Variants in CACNA1D observed in about 807,000 individuals in gnomAD.
CACNA1D encodes the protein calcium voltage-gated channel subunit alpha1 D.
A neutral mutation model predicts 257.1 loss-of-function variants in CACNA1D; 55 were observed. That is an observed-to-expected ratio of 0.21 (90% CI 0.17 to 0.27). The LOEUF (loss-of-function observed/expected upper bound fraction) is 0.27, where lower values mean the gene tolerates loss of function less well. Among genes scored for constraint, CACNA1D ranks in the 10% least tolerant of loss-of-function variants. CACNA1D has a pLI of 1.00. For synonymous variants in CACNA1D, 980 were observed against 1,014.9 expected (o/e 0.97, Z 0.65); for missense variants, 1,876 against 2,784.0 (o/e 0.67, Z 7.34).
chr3:53,586,544 G>A (rs2093220897), intron 3 of CACNA1D, among the ~76,000 whole-genome samples: 1 of 151,946 alleles, frequency 6.6e-6, no homozygotes, highest in South Asian at 2.1e-4. Flanking sequence ...AGTCCCCATG[G>A]TCCACAAAAA....
At chr3:53,651,079 C>A in intron 4 of CACNA1D, 161 bp downstream of exon 4, 1 of 659,112 alleles carries the variant, frequency 1.5e-6, no homozygotes. Flanking sequence ...GCTGGTGATG[C>A]TGCTGTCAGT....
At chr3:53,688,217 G>A (rs370030017) in intron 8 of CACNA1D, among the ~76,000 whole-genome samples, 3 of 152,200 alleles carry the variant, frequency 2.0e-5, no homozygotes, top group East Asian at 3.9e-4. Flanking sequence ...GTGGAGGTCC[G>A]CCCAGCTGGG....
intron 39 of CACNA1D, chr3:53,786,489 T>C (rs954072973): frequency 6.4e-6 from 2 of 312,324 alleles, no homozygotes; most frequent in Non-Finnish European, 1.2e-5. Flanking sequence ...CTTTTTGTTT[T>C]GTAATTTTTA....
intron 30 of CACNA1D, chr3:53,762,720 C>T (rs763773027): frequency 1.1e-4 from 45 of 415,000 alleles, no homozygotes; most frequent in Non-Finnish European, 1.7e-4. Context: ...CCTTAAATCT[C>T]CACACACTTT....
rs374064318 is a variant in CACNA1D, at chr3:53,775,421, A to G, written c.4203-465A>G. 3.0e-4 allele frequency among the ~76,000 whole-genome samples: 45 copies of G among 152,270 alleles called. No individual in the cohort carries two copies. The East Asian group carries it at 4.4e-3, about 15-fold the overall frequency. ...GCAAAACCTTGACTCTACTAAAAAT[A>G]CAAAAATTAGCCAGGTGTGGTGGCA... On this transcript the variant is annotated intron_variant, in intron 34 of 47. Coordinates refer to ENST00000350061, the MANE Select transcript of CACNA1D (RefSeq NM_001128840.3).
intron 8 of CACNA1D, among the ~76,000 whole-genome samples, chr3:53,682,011 C>T (rs141690378): frequency 5.3e-5 from 8 of 152,118 alleles, no homozygotes; most frequent in East Asian, 1.9e-4. Context: ...AGAGACTGGC[C>T]GGCAGAATCC....
chr3:53,740,363 A>G (rs1165605055), intron 21 of CACNA1D, 24 bp downstream of exon 21: 1 of 1,484,574 alleles, frequency 6.7e-7, no homozygotes, highest in Admixed American at 1.7e-5. Context: ...CTTGATCTTC[A>G]CATACTCCAC....
At chr3:53,732,764 C>T (rs2108771330) in intron 18 of CACNA1D, 51 bp from the exon 19 acceptor site, 1 of 1,518,396 alleles carries the variant, frequency 6.6e-7, no homozygotes, top group East Asian at 2.2e-5. Context: ...ATAATTCAAA[C>T]CCATATGTAG....
At position 53,751,455 on chromosome 3, in the gene CACNA1D, C is replaced by G. The variant is rs935387296; in HGVS notation, c.3517-294C>G. On this transcript the variant is annotated intron_variant, in intron 27 of 47. Coordinates refer to ENST00000350061, the MANE Select transcript of CACNA1D (RefSeq NM_001128840.3). This position sits in a 1 kb window ranked among gnomAD's most constrained non-coding sequence, Gnocchi z 4.3. ...ATACACTGCAGGGCCTCAGGAAAGACAGCTAAAAGCTCTGAGCCTCAGTTT... is the reference window on the plus strand; with the variant it reads ...ATACACTGCAGGGCCTCAGGAAAGAGAGCTAAAAGCTCTGAGCCTCAGTTT... Among the ~76,000 whole-genome samples the G allele has an allele frequency of 6.6e-6, 1 of 152,248 alleles. No individual in the cohort carries two copies. The highest frequency in any genetic ancestry group is 2.4e-5 in the African/African-American group (1 of 41,468).
intron 9 of CACNA1D, among the ~76,000 whole-genome samples, chr3:53,709,345 C>A (rs1349093226): frequency 6.6e-6 from 1 of 152,182 alleles, no homozygotes; most frequent in Non-Finnish European, 1.5e-5. Flanking sequence ...TTCCCAAGGC[C>A]ATGTGACTTA....
chr3:53,788,825 A>G (rs2095469606), intron 40 of CACNA1D, among the ~76,000 whole-genome samples: 3 of 152,210 alleles, frequency 2.0e-5, no homozygotes, highest in Non-Finnish European at 4.4e-5. Context: ...CAGGTTAGCT[A>G]GGTACCATGA....
rs991776702 is a variant in CACNA1D at position 53,772,977 on chromosome 3, G to A, written c.4110+79G>A. On this transcript the variant is annotated intron_variant, in intron 33 of 47. Coordinates refer to ENST00000350061, the MANE Select transcript of CACNA1D (RefSeq NM_001128840.3). ...CTGTGGCAAGATGTACCCTGACCAAGTGAAGTAGAAGCATTGTGATTTTTC... is the reference window on the plus strand; with the variant it reads ...CTGTGGCAAGATGTACCCTGACCAAATGAAGTAGAAGCATTGTGATTTTTC... 3.4e-6 allele frequency: 4 copies of A among 1,173,470 alleles called. No homozygotes were observed. In the African/African-American group the frequency reaches 4.5e-5, roughly 13 times the overall value. The allele number at this position is 1,173,470 out of a possible 1,614,324, so 72.7% of individuals were successfully genotyped here.
chr3:53,663,190 C>T (rs2094222581), intron 5 of CACNA1D, among the ~76,000 whole-genome samples: 1 of 152,176 alleles, frequency 6.6e-6, no homozygotes, highest in Admixed American at 6.5e-5. Context: ...TGCTGCTTAT[C>T]ACGGTAAAGA....
At chr3:53,747,195 T>G in intron 25 of CACNA1D, 107 bp from the exon 26 acceptor site, 2 of 842,506 alleles carry the variant, frequency 2.4e-6, no homozygotes, top group Non-Finnish European at 1.9e-6. Flanking sequence ...GCGGGCGGAC[T>G]GAGTGTGACC....
At chr3:53,586,812 A>G (rs918415597) in intron 3 of CACNA1D, among the ~76,000 whole-genome samples, 2 of 152,180 alleles carry the variant, frequency 1.3e-5, no homozygotes, top group South Asian at 4.1e-4. Context: ...TTATTTCTGA[A>G]CAAGACAGGC....
intron 8 of CACNA1D, among the ~76,000 whole-genome samples, chr3:53,677,206 C>T (rs1395316448): frequency 6.6e-6 from 1 of 152,164 alleles, no homozygotes; most frequent in Non-Finnish European, 1.5e-5. Context: ...CACCAGCCAT[C>T]CCTATGGTGG....
chr3:53,657,851 A>T (rs1174327576), intron 4 of CACNA1D, among the ~76,000 whole-genome samples: 1 of 152,226 alleles, frequency 6.6e-6, no homozygotes, highest in Non-Finnish European at 1.5e-5. Context: ...AAAGTAATTG[A>T]TATTTCTAAA....
chr3:53,554,202 A>C (rs2092596209), intron 3 of CACNA1D, among the ~76,000 whole-genome samples: 1 of 152,096 alleles, frequency 6.6e-6, no homozygotes, highest in Admixed American at 6.5e-5. Flanking sequence ...TCTCAAAAAA[A>C]AAAAAAAGGT....
rs1230193947 is a variant in CACNA1D at position 53,626,219 on chromosome 3, A to T, written c.484-24560A>T. Among the ~76,000 whole-genome samples the T allele has an allele frequency of 2.0e-5, 3 of 152,252 alleles. No individual in the cohort carries two copies. The East Asian group carries it at 5.8e-4, about 29-fold the overall frequency. ...TTTGCCGCCCCGGGCACATCCCCTC[A>T]TGGTCAGAGGGATGAAGAGGAGGGG... On this transcript the variant is annotated intron_variant, in intron 3 of 47. Transcript: ENST00000350061.
Sources: allele counts gnomAD v4.1 joint callset (sites outside exome capture counted in the v4.1 genomes callset), GRCh38; gene constraint gnomAD v4.1.1; non-coding constraint Gnocchi (gnomAD v3.1); transcripts MANE v1.5; gene names NCBI Gene and HGNC (gene_info 2026-07-23, HGNC 2026-07-21).